The following ZER1 variants were observed in gnomAD, a reference collection of about 807,000 sequenced individuals.
ZER1 encodes the protein zyg-11 related cell cycle regulator.
ZER1 carries 11 observed loss-of-function variants against 78.8 expected under a neutral mutation model. The ratio of observed to expected loss-of-function variants is 0.14; its 90% CI spans 0.09 to 0.23. The LOEUF (loss-of-function observed/expected upper bound fraction) is 0.23, where lower values mean the gene tolerates loss of function less well. Among genes scored for constraint, ZER1 ranks in the 10% least tolerant of loss-of-function variants. The pLI, the probability that ZER1 is intolerant of heterozygous loss-of-function variation, is 1.00. For missense variants in ZER1, 588 were observed against 996.9 expected (o/e 0.59, Z 5.52); for synonymous variants, 400 against 407.0 (o/e 0.98, Z 0.21).
chr9:128,737,912 AG>A (rs1443569939), intron 13 of ZER1, among the ~76,000 whole-genome samples: 1 of 152,074 alleles, frequency 6.6e-6, no homozygotes, highest in African/African-American at 2.4e-5. Flanking sequence ...TGTGTTGGCC[AG>A]GCTGGTTTCG....
chr9:128,736,636 G>A (rs1044859189), intron 13 of ZER1, among the ~76,000 whole-genome samples: 2 of 149,946 alleles, frequency 1.3e-5, no homozygotes, highest in Non-Finnish European at 3.0e-5. Context: ...GCCTCCCAAA[G>A]TGCTAGGATT....
intron 1 of ZER1, among the ~76,000 whole-genome samples, chr9:128,765,801 T>C (rs532832161): frequency 7.4e-5 from 11 of 149,058 alleles, no homozygotes; most frequent in African/African-American, 2.7e-4. Flanking sequence ...CTCCAGGTGG[T>C]CGGGAAACAG....
chr9:128,745,811 C>T (rs919465964), intron 8 of ZER1: 2 of 151,654 alleles, frequency 1.3e-5, no homozygotes, highest in African/African-American at 4.9e-5. Flanking sequence ...TGCCATCACA[C>T]CCCGCCTTTT....
rs1863238188 is a variant in ZER1 at position 128,740,074 on chromosome 9, A to G, written c.1899T>C (p.Asn633=). The change falls in exon 13 of 16, where the codon AAT becomes AAC. Residue 633 remains asparagine (N), a synonymous_variant. Transcript: ENST00000291900. This position sits in a 1 kb window ranked among gnomAD's most constrained non-coding sequence, Gnocchi z 4.4. ...TGATGTGGGAGAGGACGCCGCAGGC[A>G]TTGTAGGAAACCTCGATCCCATCGG... ...SKADGIEVSY[N]ACGVLSHIMF... 6.2e-7 allele frequency: 1 copy of G among 1,613,618 alleles called. No individual in the cohort carries two copies.
intron 15 of ZER1, among the ~76,000 whole-genome samples, chr9:128,731,936 G>A (rs376404862): frequency 7.9e-5 from 12 of 152,252 alleles, no homozygotes; most frequent in East Asian, 5.8e-4. Context: ...TTCGAGTCTC[G>A]CCCGCCCCAG....
upstream of ZER1, chr9:128,772,413 C>A (rs955012008): frequency 6.6e-6 from 1 of 152,344 alleles, no homozygotes; most frequent in Non-Finnish European, 1.5e-5. Flanking sequence ...GGGCGGCGAC[C>A]TCGGCCCCTA....
At chr9:128,764,501 C>T (rs1373973916) in intron 1 of ZER1, among the ~76,000 whole-genome samples, 2 of 152,186 alleles carry the variant, frequency 1.3e-5, no homozygotes, top group East Asian at 1.9e-4. Flanking sequence ...TCAGTTGTCA[C>T]GGTCACCAAA....
rs77993633 is a variant in ZER1 at position 128,769,108 on chromosome 9, G to A, written c.-95+2473C>T. ...TCAGAAAAGCCAGGACCAAGCTAAC[G>A]TCTTCTCTGCAGAATATTAACCCAG... On this transcript the variant is annotated intron_variant, in intron 1 of 15. Coordinates refer to ENST00000291900, the MANE Select transcript of ZER1 (RefSeq NM_006336.4). Among the ~76,000 whole-genome samples, 1,444 of 152,248 alleles carry A rather than the reference G, an allele frequency of 9.5e-3. 21 individuals are homozygous for A. The highest frequency in any genetic ancestry group is 0.028 in the African/African-American group (1,176 of 41,554).
Position 128,734,144 on chromosome 9 carries a change from A to AAAAAAAATAT in ZER1, c.2141-617_2141-616insATATTTTTTT. Among the ~76,000 whole-genome samples, 20 of 14,442 alleles carry AAAAAAAATAT rather than the reference A, an allele frequency of 1.4e-3. 1 individual carries two copies. Among genetic ancestry groups the AAAAAAAATAT allele is most frequent in the African/African-American group, 3.7e-3 (20 of 5,352 alleles). The allele number at this position is 14,442 out of a possible 152,430, so 9.5% of individuals were successfully genotyped here. A position where few individuals can be genotyped will look rare whatever the true frequency, so the allele number is the denominator to read the frequency against. On this transcript the variant is annotated intron_variant, in intron 14 of 15. Coordinates refer to ENST00000291900, the MANE Select transcript of ZER1 (RefSeq NM_006336.4). The stretch of plus-strand genomic sequence containing the variant: ...CTCCGTCTCAAAAAAAAAAAAAAAA[A>AAAAAAAATAT]ATATATATATATATATATAAAATCT...
intron 1 of ZER1, among the ~76,000 whole-genome samples, chr9:128,770,655 T>A (rs534916019): frequency 5.3e-5 from 8 of 152,290 alleles, no homozygotes; most frequent in African/African-American, 1.9e-4. Flanking sequence ...ACATATCATG[T>A]TTATTATTTG....
intron 13 of ZER1, among the ~76,000 whole-genome samples, chr9:128,738,449 G>C (rs568936323): frequency 0.012 from 1,819 of 148,564 alleles, 44 homozygotes; most frequent in African/African-American, 0.043. Context: ...GCAGTGGCGC[G>C]ATCTCGGCTA....
intron 1 of ZER1, among the ~76,000 whole-genome samples, chr9:128,763,959 C>T (rs1253205524): frequency 4.6e-5 from 7 of 151,612 alleles, no homozygotes; most frequent in African/African-American, 1.7e-4. Context: ...TGCACTCTAG[C>T]CTGGGCAATA....
rs1479732000 is a variant in ZER1 at position 128,732,159 on chromosome 9, C to T, written c.2244-765G>A. On this transcript the variant is annotated intron_variant, in intron 15 of 15. Transcript: ENST00000291900. This position sits in a 1 kb window ranked among gnomAD's most constrained non-coding sequence, Gnocchi z 4.8. Reference sequence around the variant, plus strand: ...CCTAAGCATTGTCCAGGGTCATTTACTCCTTGCTGTCAGACAGGCCAGTGC... The same window carrying T: ...CCTAAGCATTGTCCAGGGTCATTTATTCCTTGCTGTCAGACAGGCCAGTGC... Among the ~76,000 whole-genome samples, 1 of 152,214 alleles carries T rather than the reference C, an allele frequency of 6.6e-6. No individual in the cohort carries two copies. Among genetic ancestry groups the T allele is most frequent in the Non-Finnish European group, 1.5e-5 (1 of 68,032 alleles).
chr9:128,750,005 T>C (rs143877993), intron 8 of ZER1, among the ~76,000 whole-genome samples: 1 of 152,306 alleles, frequency 6.6e-6, no homozygotes, highest in African/African-American at 2.4e-5. Context: ...ATTGTGCCAT[T>C]GCACTCCAGC....
Position 128,751,047 on chromosome 9 carries a change from G to A in ZER1, c.1185+75C>T. Reference sequence around the variant, plus strand: ...GGTGCAGAAGGACACAGGCTCTGGGGACACGGCTCAGCCAAGCCCGGCAAC... The same window carrying A: ...GGTGCAGAAGGACACAGGCTCTGGGAACACGGCTCAGCCAAGCCCGGCAAC... On this transcript the variant is annotated intron_variant, in intron 7 of 15. Transcript: ENST00000291900. The surrounding 1 kb of genome is among the most constrained non-coding windows in gnomAD (Gnocchi z 5.4). The A allele has an allele frequency of 6.6e-7, 1 of 1,516,342 alleles. No homozygotes were observed. The highest frequency in any genetic ancestry group is 8.8e-7 in the Non-Finnish European group (1 of 1,132,088). 93.9% of individuals were successfully genotyped at this position (1,516,342 alleles called of 1,614,324 possible).
rs536827522 is a variant in ZER1, at chr9:128,754,691, T to C, written c.158+717A>G. Among the ~76,000 whole-genome samples the C allele has an allele frequency of 1.7e-3, 245 of 143,354 alleles. No homozygotes were observed. Among genetic ancestry groups the C allele is most frequent in the African/African-American group, 5.8e-3 (231 of 39,648 alleles). The allele number at this position is 143,354 out of a possible 152,430, so 94.0% of individuals were successfully genotyped here. ...AATTTCCCTTCTGGGAATCTTTTTC[T>C]TTTTTTTTTTTTGGTAGAGACAAGG... On this transcript the variant is annotated intron_variant, in intron 2 of 15. Transcript: ENST00000291900. This position sits in a 1 kb window ranked among gnomAD's most constrained non-coding sequence, Gnocchi z 4.3.
rs1049360019 is a variant in ZER1, at chr9:128,750,219, T to C, written c.1359+397A>G. ...ATCCCATGTTAATGGTGCCTGTCTCTGGGTAGTGGGTTTATGGGTGATTTT... is the reference window on the plus strand; with the variant it reads ...ATCCCATGTTAATGGTGCCTGTCTCCGGGTAGTGGGTTTATGGGTGATTTT... On this transcript the variant is annotated intron_variant, in intron 8 of 15. Transcript: ENST00000291900. 2.0e-5 allele frequency among the ~76,000 whole-genome samples: 3 copies of C among 152,242 alleles called. No homozygotes were observed. The South Asian group carries it at 6.2e-4, about 32-fold the overall frequency.
chr9:128,764,710 A>C (rs1054673217), intron 1 of ZER1, among the ~76,000 whole-genome samples: 2 of 152,156 alleles, frequency 1.3e-5, no homozygotes, highest in Non-Finnish European at 2.9e-5. Context: ...AGAGGCAGCC[A>C]TCTCTACCTA....
rs567516581 is a variant in ZER1, at chr9:128,770,281, G to A, written c.-95+1300C>T. Among the ~76,000 whole-genome samples, 13 of 152,058 alleles carry A rather than the reference G, an allele frequency of 8.5e-5. No homozygotes were observed. In the South Asian group the frequency reaches 1.0e-3, roughly 12 times the overall value. On this transcript the variant is annotated intron_variant, in intron 1 of 15. Transcript: ENST00000291900. The stretch of plus-strand genomic sequence containing the variant: ...TTGGATTACAGACATGAGCCACCAC[G>A]GCCAGCTAATTTTTTTTTTGGTACT...
Sources: allele counts gnomAD v4.1 joint callset (sites outside exome capture counted in the v4.1 genomes callset), GRCh38; gene constraint gnomAD v4.1.1; non-coding constraint Gnocchi (gnomAD v3.1); transcripts MANE v1.5; gene names NCBI Gene and HGNC (gene_info 2026-07-23, HGNC 2026-07-21).